TUBB1: variants seen among roughly 807,000 people sequenced by gnomAD.
TUBB1 encodes tubulin beta-1 chain.
TUBB1 carries 28 observed loss-of-function variants against 22.6 expected under a neutral mutation model. The observed-to-expected ratio is 1.24, with a 90% confidence interval of 0.92 to 1.70. TUBB1 has a LOEUF of 1.70. Among genes scored for constraint, TUBB1 ranks in the 40% most tolerant of loss-of-function variants. The pLI is 0.00. For missense variants in TUBB1, 577 were observed against 605.5 expected, an observed-to-expected ratio of 0.95 and a Z score of 0.49; for synonymous variants, 226 against 238.0, an observed-to-expected ratio of 0.95 and a Z score of 0.46.
intron 3 of TUBB1, 34 bp downstream of exon 3, chr20:59,023,634 G>C (rs369381604): frequency 9.9e-6 from 16 of 1,613,204 alleles, no homozygotes; most frequent in South Asian, 5.5e-5. Context: ...CCAGGAGGAG[G>C]GGGGGATGCT....
At position 59,024,018 on chromosome 20, in the gene TUBB1, T is replaced by A. The variant is rs200469276; in HGVS notation, c.591T>A (p.Asp197Glu). 2 of 1,614,214 alleles carry A rather than the reference T, an allele frequency of 1.2e-6. No individual in the cohort carries two copies. The highest frequency in any genetic ancestry group is 1.7e-5 in the Admixed American group (1 of 60,030). ...LSIHQLIENA[D>E]ACFCIDNEAL... ...TCCACCAGCTGATTGAGAATGCAGA[T>A]GCCTGTTTCTGCATTGACAATGAGG... The change falls in exon 4 of 4, where the codon GAT becomes GAA. Residue 197 changes from aspartate to glutamate, a missense_variant. Asp to Glu is a conservative substitution (Grantham distance 45). Coordinates refer to ENST00000217133, the MANE Select transcript of TUBB1 (RefSeq NM_030773.4). This position sits in a 1 kb window ranked among gnomAD's most constrained non-coding sequence, Gnocchi z 4.9.
In TUBB1 at chr20:59,025,101, T is replaced by C. The variant is rs951847010; in HGVS notation, c.*318T>C. ...AGGCATCCAGACTACACGTGTGGAT[T>C]TGCAGGGAGCCACTGGAGTTGGTGT... On this transcript the variant is annotated 3_prime_UTR_variant, in exon 4 of 4. Transcript: ENST00000217133. 4 of 397,936 alleles carry C rather than the reference T, an allele frequency of 1.0e-5. No homozygotes were observed. Among genetic ancestry groups the C allele is most frequent in the African/African-American group, 8.2e-5 (4 of 48,702 alleles). 24.7% of individuals were successfully genotyped at this position (397,936 alleles called of 1,614,324 possible).
rs548835488 is a variant in TUBB1 at position 59,019,433 on chromosome 20, T to C, written c.-90T>C. Reference sequence around the variant, plus strand: ...AGTCCCACCACTGCAGTGACCACAGTTGTGTTGGGCTCACACCAGTGAACC... The same window carrying C: ...AGTCCCACCACTGCAGTGACCACAGCTGTGTTGGGCTCACACCAGTGAACC... On this transcript the variant is annotated 5_prime_UTR_variant, in exon 1 of 4. Transcript: ENST00000217133. The C allele has an allele frequency of 8.8e-5, 130 of 1,479,596 alleles. No homozygotes were observed. Among genetic ancestry groups the C allele is most frequent in the Admixed American group, 1.3e-4 (8 of 59,796 alleles). The allele number at this position is 1,479,596 out of a possible 1,614,324, so 91.7% of individuals were successfully genotyped here. A position where few individuals can be genotyped will look rare whatever the true frequency, so the allele number is the denominator to read the frequency against.
At chr20:59,023,330 T>TA (rs1377665602) in intron 2 of TUBB1, among the ~76,000 whole-genome samples, 160 bp from the exon 3 acceptor site, 3 of 152,172 alleles carry the variant, frequency 2.0e-5, no homozygotes, top group Non-Finnish European at 4.4e-5. Flanking sequence ...GTTGTTGGGG[T>TA]AAAAAATATG....
At chr20:59,022,230 G>A (rs1268068723) in intron 1 of TUBB1, among the ~76,000 whole-genome samples, 1 of 151,200 alleles carries the variant, frequency 6.6e-6, no homozygotes, top group Non-Finnish European at 1.5e-5. Context: ...AGCTACTCAG[G>A]AGGCTGAGGC....
intron 1 of TUBB1, among the ~76,000 whole-genome samples, chr20:59,022,492 G>A (rs1456796711): frequency 2.0e-5 from 3 of 152,120 alleles, no homozygotes; most frequent in Non-Finnish European, 4.4e-5. Context: ...TTACTAGCTT[G>A]GAGCATTATA....
upstream of TUBB1, among the ~76,000 whole-genome samples, chr20:59,018,269 G>T (rs1300730928): frequency 6.6e-6 from 1 of 152,192 alleles, no homozygotes; most frequent in Non-Finnish European, 1.5e-5. Context: ...CTGGTTGGAG[G>T]TAATAAAGCC....
At chr20:59,023,633 G>A in intron 3 of TUBB1, 33 bp downstream of exon 3, 2 of 1,609,084 alleles carry the variant, frequency 1.2e-6, no homozygotes, top group Non-Finnish European at 1.7e-6. Context: ...ACCAGGAGGA[G>A]GGGGGGATGC....
At chr20:59,016,616 G>C (rs1433304360), upstream of TUBB1, among the ~76,000 whole-genome samples, 1 of 152,158 alleles carries the variant, frequency 6.6e-6, no homozygotes, top group Non-Finnish European at 1.5e-5. Flanking sequence ...GGGGAAAAGA[G>C]GCCAAGGCAC....
In TUBB1 at chr20:59,023,730, G is replaced by A; in HGVS notation, c.303G>A (p.Trp101Ter). The A allele has an allele frequency of 1.9e-6, 3 of 1,614,094 alleles. No homozygotes were observed. The highest frequency in any genetic ancestry group is 2.5e-6 in the Non-Finnish European group (3 of 1,180,022). Residue 101 changes from tryptophan (W) to a stop codon, truncating the protein, a stop_gained, in exon 4 of 4, where the codon TGG becomes TGA. Transcript: ENST00000217133. LOFTEE classifies it high-confidence loss of function. ...GTAACTCTGGGGCTGGCAACAACTG[G>A]GCCAAAGGCCACTACACGGAGGGAG... ...VHGNSGAGNNWAKGHYTEGAE... is the reference protein window; with the variant it reads ...VHGNSGAGNN
chr20:59,021,142 C>T (rs1280141503), intron 1 of TUBB1, among the ~76,000 whole-genome samples: 1 of 152,162 alleles, frequency 6.6e-6, no homozygotes, highest in African/African-American at 2.4e-5. Context: ...ATTCATAACT[C>T]ACACACAGAG....
At position 59,026,143 on chromosome 20, in the gene TUBB1, A is replaced by T. The variant is rs1445132510; in HGVS notation, c.*1360A>T. 1 of 152,252 alleles carries T rather than the reference A, an allele frequency of 6.6e-6. No homozygotes were observed. Among genetic ancestry groups the T allele is most frequent in the East Asian group, 1.9e-4 (1 of 5,198 alleles). 9.4% of individuals were successfully genotyped at this position (152,252 alleles called of 1,614,324 possible). The stretch of plus-strand genomic sequence containing the variant: ...TTGTAATCAGCAATAATAAAATAGC[A>T]GGTAGATGGATGACAGTTGCTCATT... On this transcript the variant is annotated 3_prime_UTR_variant, in exon 4 of 4. Transcript: ENST00000217133.
chr20:59,016,705 G>A (rs2091947092), upstream of TUBB1, among the ~76,000 whole-genome samples: 2 of 152,112 alleles, frequency 1.3e-5, no homozygotes, highest in African/African-American at 4.8e-5. Flanking sequence ...ATTTTAAAAT[G>A]GTCTGTTTTA....
In TUBB1 at chr20:59,024,901, C is replaced by A. The variant is rs1269613645; in HGVS notation, c.*118C>A. 1.1e-6 allele frequency: 1 copy of A among 911,614 alleles called. No homozygotes were observed. Among genetic ancestry groups the A allele is most frequent in the Non-Finnish European group, 1.8e-6 (1 of 565,312 alleles). The allele number at this position is 911,614 out of a possible 1,614,324, so 56.5% of individuals were successfully genotyped here. A position where few individuals can be genotyped will look rare whatever the true frequency, so the allele number is the denominator to read the frequency against. On this transcript the variant is annotated 3_prime_UTR_variant, in exon 4 of 4. Transcript: ENST00000217133. This position sits in a 1 kb window ranked among gnomAD's most constrained non-coding sequence, Gnocchi z 4.9. ...TGCAGCACAGTGAATGATATGCACT[C>A]ACCATTAGCTTCGACACAGGGACTG...
Position 59,025,681 on chromosome 20 carries a change from G to A in TUBB1, c.*898G>A, listed in dbSNP as rs2091990772. Reference sequence around the variant, plus strand: ...TGCAGCCTCTCTGCTCTTTGAGAAAGGGCACACCATGCGCTCGGCAACCAT... The same window carrying A: ...TGCAGCCTCTCTGCTCTTTGAGAAAAGGCACACCATGCGCTCGGCAACCAT... On this transcript the variant is annotated 3_prime_UTR_variant, in exon 4 of 4. Transcript: ENST00000217133. The A allele has an allele frequency of 6.6e-6, 1 of 152,192 alleles. No homozygotes were observed. Among genetic ancestry groups the A allele is most frequent in the Non-Finnish European group, 1.5e-5 (1 of 68,044 alleles). 9.4% of individuals were successfully genotyped at this position (152,192 alleles called of 1,614,324 possible). A position where few individuals can be genotyped will look rare whatever the true frequency, so the allele number is the denominator to read the frequency against.
At chr20:59,022,087 A>G (rs1157838335) in intron 1 of TUBB1, among the ~76,000 whole-genome samples, 1 of 152,214 alleles carries the variant, frequency 6.6e-6, no homozygotes, top group Non-Finnish European at 1.5e-5. Flanking sequence ...CTGTAATTCC[A>G]GTACTTTGGA....
rs376965733 is a variant in TUBB1 at position 59,024,692 on chromosome 20, A to C, written c.1265A>C (p.Tyr422Ser). Reference sequence around the variant, plus strand: ...AACATCCATGATTTGGTATCCGAGTACCAACAATTTCAAGATGCCAAAGCA... The same window carrying C: ...AACATCCATGATTTGGTATCCGAGTCCCAACAATTTCAAGATGCCAAAGCA... ...ENNIHDLVSE[Y>S]QQFQDAKAVL... is the part of the protein sequence containing the mutation. Residue 422 changes from tyrosine to serine, a missense_variant, in exon 4 of 4, where the codon TAC becomes TCC. Physicochemically the swap from Tyr to Ser is moderately radical, Grantham distance 144 (BLOSUM62 -2). Coordinates refer to ENST00000217133, the MANE Select transcript of TUBB1 (RefSeq NM_030773.4). This position sits in a 1 kb window ranked among gnomAD's most constrained non-coding sequence, Gnocchi z 4.9. 1.2e-6 allele frequency: 2 copies of C among 1,614,056 alleles called. No individual in the cohort carries two copies. Among genetic ancestry groups the C allele is most frequent in the Non-Finnish European group, 1.7e-6 (2 of 1,180,038 alleles).
chr20:59,025,036 A>C lies in TUBB1; in HGVS notation c.*253A>C. 1 of 523,356 alleles carries C rather than the reference A, an allele frequency of 1.9e-6. No homozygotes were observed. Among genetic ancestry groups the C allele is most frequent in the Non-Finnish European group, 3.5e-6 (1 of 289,090 alleles). 32.4% of individuals were successfully genotyped at this position (523,356 alleles called of 1,614,324 possible). A position where few individuals can be genotyped will look rare whatever the true frequency, so the allele number is the denominator to read the frequency against. ...ACTTATTAACTTAAAAAAATAGCAA[A>C]TTTATTGTAAAGTGCTCCCTTTGTT... On this transcript the variant is annotated 3_prime_UTR_variant, in exon 4 of 4. Transcript: ENST00000217133.
At chr20:59,017,465 T>A (rs1033660045), upstream of TUBB1, among the ~76,000 whole-genome samples, 1 of 152,248 alleles carries the variant, frequency 6.6e-6, no homozygotes, top group African/African-American at 2.4e-5. Flanking sequence ...GCCCTTTGGC[T>A]GTGTGTTTGA....
Sources: allele counts gnomAD v4.1 joint callset (sites outside exome capture counted in the v4.1 genomes callset), GRCh38; gene constraint gnomAD v4.1.1; non-coding constraint Gnocchi (gnomAD v3.1); transcripts MANE v1.5; gene names NCBI Gene and HGNC (gene_info 2026-07-23, HGNC 2026-07-21).